AP4E1: variants seen among roughly 807,000 people sequenced by gnomAD.
The protein encoded by AP4E1 is AP-4 complex subunit epsilon-1.
AP4E1 carries 56 observed loss-of-function variants against 128.2 expected under a neutral mutation model. The observed-to-expected ratio is 0.44, with a 90% confidence interval of 0.35 to 0.55. The LOEUF is 0.55. AP4E1 is among the 20% of genes least tolerant of loss of function. The pLI, the probability that AP4E1 is intolerant of heterozygous loss-of-function variation, is 0.00. For synonymous variants in AP4E1, 484 were observed against 473.1 expected, an observed-to-expected ratio of 1.02 and a Z score of -0.30; for missense variants, 1,324 against 1,307.7, an observed-to-expected ratio of 1.01 and a Z score of -0.19.
At chr15:50,914,636 G>GC (rs2063606202) in intron 2 of AP4E1, among the ~76,000 whole-genome samples, 2 of 129,724 alleles carry the variant, frequency 1.5e-5, no homozygotes, top group African/African-American at 6.2e-5. Flanking sequence ...GGGTGACAGA[G>GC]CGAGACTCTG....
At chr15:50,921,473 C>A (rs534271930) in intron 3 of AP4E1, among the ~76,000 whole-genome samples, 4 of 152,022 alleles carry the variant, frequency 2.6e-5, no homozygotes, top group African/African-American at 4.8e-5. Flanking sequence ...CTCAGCCTCC[C>A]AAGTAGCTGG....
At chr15:50,938,310 G>A (rs777231652) in intron 8 of AP4E1, among the ~76,000 whole-genome samples, 8 of 152,128 alleles carry the variant, frequency 5.3e-5, no homozygotes, top group African/African-American at 7.2e-5. Context: ...AAGAAGAAAA[G>A]GGAAATTAGC....
chr15:51,001,963 C>G (rs2064969112), intron 20 of AP4E1, among the ~76,000 whole-genome samples: 1 of 152,140 alleles, frequency 6.6e-6, no homozygotes, highest in Non-Finnish European at 1.5e-5. Flanking sequence ...ACTGCAACCT[C>G]CACCTTCCGT....
chr15:51,005,574 A>G lies in AP4E1; in HGVS notation c.*2912A>G, dbSNP rs1290867912. On this transcript the variant is annotated 3_prime_UTR_variant, in exon 21 of 21. Coordinates refer to ENST00000261842, the MANE Select transcript of AP4E1 (RefSeq NM_007347.5). ...CCTGTAGAGGAGCATTATTTTAAAC[A>G]ATGTTCTACTATCATCTACCAAAAT... The G allele has an allele frequency of 6.6e-6, 1 of 152,564 alleles. No individual in the cohort carries two copies. The highest frequency in any genetic ancestry group is 1.5e-5 in the Non-Finnish European group (1 of 68,034). 9.5% of individuals were successfully genotyped at this position (152,564 alleles called of 1,614,324 possible).
At position 50,915,536 on chromosome 15, in the gene AP4E1, T is replaced by C; in HGVS notation, c.311T>C (p.Leu104Ser). The change falls in exon 3 of 21, where the codon TTA becomes TCA. Residue 104 changes from leucine (L) to serine (S), a missense_variant. Transcript: ENST00000261842. The stretch of plus-strand genomic sequence containing the variant: ...TTTGGCTATATTCATGCAATCAAGT[T>C]AGCCCAACAAGGAAACCTCTTAGAA... Reference protein sequence around the residue: ...ASFGYIHAIKLAQQGNLLEKR... With the variant: ...ASFGYIHAIKSAQQGNLLEKR... 1.9e-6 allele frequency: 3 copies of C among 1,613,652 alleles called. No individual in the cohort carries two copies. The highest frequency in any genetic ancestry group is 2.5e-6 in the Non-Finnish European group (3 of 1,179,746).
At chr15:50,926,971 C>T (rs1404340899) in intron 5 of AP4E1, among the ~76,000 whole-genome samples, 2 of 152,216 alleles carry the variant, frequency 1.3e-5, no homozygotes, top group Non-Finnish European at 2.9e-5. Context: ...AGAATAACTT[C>T]ATAGGTCTTT....
chr15:50,987,098 A>T (rs989918586), intron 16 of AP4E1, among the ~76,000 whole-genome samples: 1 of 152,122 alleles, frequency 6.6e-6, no homozygotes, highest in African/African-American at 2.4e-5. Context: ...ATTTGCGTAG[A>T]GGTGTTTATA....
chr15:50,948,043 T>C lies in AP4E1; in HGVS notation c.1200T>C (p.Ile400=). The C allele has an allele frequency of 6.2e-7, 1 of 1,607,324 alleles. No homozygotes were observed. The highest frequency in any genetic ancestry group is 8.5e-7 in the Non-Finnish European group (1 of 1,174,194). The part of the protein sequence containing the change: ...KRETLELLYR[I]TNAQNITVIV... Reference sequence around the variant, plus strand: ...AGACTCTGGAACTTCTTTACAGAATTACTAATGCACAGAATATAACAGTTA... The same window carrying C: ...AGACTCTGGAACTTCTTTACAGAATCACTAATGCACAGAATATAACAGTTA... The change falls in exon 11 of 21, where the codon ATT becomes ATC. Residue 400 remains isoleucine (I), a synonymous_variant. Coordinates refer to ENST00000261842, the MANE Select transcript of AP4E1 (RefSeq NM_007347.5).
chr15:50,968,388 A>G lies in AP4E1; in HGVS notation c.1966+11A>G, dbSNP rs759782619. 5 of 1,578,030 alleles carry G rather than the reference A, an allele frequency of 3.2e-6. No homozygotes were observed. The highest frequency in any genetic ancestry group is 3.4e-5 in the Admixed American group (2 of 59,396). On this transcript the variant is annotated intron_variant, in intron 15 of 20. Coordinates refer to ENST00000261842, the MANE Select transcript of AP4E1 (RefSeq NM_007347.5). ...TTTCTCAGGAAAAAGGTAATTTTTC[A>G]TGGATTTATGATAAGCTAGAGTGTA... is the stretch of plus-strand genomic sequence containing the variant.
rs761149346 is a variant in AP4E1, at chr15:50,999,143, G to T, written c.2976G>T (p.Val992=). ...AESTKSFQYS[V]QIEKPFTEGN... ...GCACCAAAAGCTTTCAATATAGTGT[G>T]CAGATAGAAAAACCTTTTACAGAAG... Residue 992 remains valine (V), a synonymous_variant, in exon 19 of 21, where the codon GTG becomes GTT. Coordinates refer to ENST00000261842, the MANE Select transcript of AP4E1 (RefSeq NM_007347.5). 5.6e-6 allele frequency: 9 copies of T among 1,613,866 alleles called. No homozygotes were observed. In the Admixed American group the frequency reaches 8.3e-5, roughly 15 times the overall value.
chr15:50,929,243 A>T (rs2063803413), intron 6 of AP4E1, 75 bp downstream of exon 6: 2 of 1,488,260 alleles, frequency 1.3e-6, no homozygotes, highest in African/African-American at 2.8e-5. Flanking sequence ...AAAGAAACAG[A>T]TATTTTGGTA....
In AP4E1 at chr15:50,999,247, T is replaced by C. The variant is rs1291542844; in HGVS notation, c.3080T>C (p.Leu1027Pro). ...AQLEFSVNLS[L>P]LDFIRPLKIS... ...CTGGAATTTTCTGTAAACTTATCAC[T>C]ATTAGATTTCATTAGGTAAATGTTT... Residue 1027 changes from leucine (L) to proline (P), a missense_variant, in exon 19 of 21, where the codon CTA becomes CCA. By Grantham distance (98) the Leu-to-Pro change is moderately conservative. Coordinates refer to ENST00000261842, the MANE Select transcript of AP4E1 (RefSeq NM_007347.5). 2 of 1,610,866 alleles carry C rather than the reference T, an allele frequency of 1.2e-6. No individual in the cohort carries two copies. Among genetic ancestry groups the C allele is most frequent in the African/African-American group, 2.7e-5 (2 of 74,896 alleles).
chr15:50,929,169 G>GT lies in AP4E1; in HGVS notation c.702+2dup, dbSNP rs755999775. ...GCATATATATCTTAGAATGATTAAG[G>GT]TAAGTTGGAAATTTTAGCAAGTACT... On this transcript the variant is annotated splice_donor_variant, in intron 6 of 20. Coordinates refer to ENST00000261842, the MANE Select transcript of AP4E1 (RefSeq NM_007347.5). LOFTEE classifies it high-confidence loss of function. 6.2e-7 allele frequency: 1 copy of GT among 1,613,472 alleles called. No homozygotes were observed.
At chr15:50,957,610 A>G (rs897027473) in intron 13 of AP4E1, among the ~76,000 whole-genome samples, 1 of 149,982 alleles carries the variant, frequency 6.7e-6, no homozygotes, top group African/African-American at 2.5e-5. Context: ...GTCCCTATCC[A>G]TTCTTTCACT....
At chr15:50,922,937 C>T (rs1323603531) in intron 3 of AP4E1, among the ~76,000 whole-genome samples, 1 of 152,102 alleles carries the variant, frequency 6.6e-6, no homozygotes, top group Non-Finnish European at 1.5e-5. Context: ...GCCACCACGC[C>T]TGGCTAATTT....
In AP4E1 at chr15:50,941,781, C is replaced by T. The variant is rs1427254316; in HGVS notation, c.1176+6C>T. 1 of 1,597,892 alleles carries T rather than the reference C, an allele frequency of 6.3e-7. No individual in the cohort carries two copies. Among genetic ancestry groups the T allele is most frequent in the Admixed American group, 1.7e-5 (1 of 59,914 alleles). On this transcript the variant is annotated splice_donor_region_variant and intron_variant, in intron 10 of 20. Coordinates refer to ENST00000261842, the MANE Select transcript of AP4E1 (RefSeq NM_007347.5). ...ATCCCATTATTAAAAGAGAGGTAAA[C>T]TGGTATTTTGAATAGTATATGTGAA...
intron 10 of AP4E1, chr15:50,945,742 G>A: frequency 2.6e-6 from 2 of 776,188 alleles, no homozygotes; most frequent in Non-Finnish European, 4.7e-6. Context: ...TGAAAAATTT[G>A]GTGTGCTTAC....
chr15:50,952,250 C>A (rs142155942), intron 13 of AP4E1, among the ~76,000 whole-genome samples: 75 of 152,194 alleles, frequency 4.9e-4, no homozygotes, highest in African/African-American at 1.7e-3. Flanking sequence ...GTGGCTCATG[C>A]CTGTAATCCC....
At position 50,916,420 on chromosome 15, in the gene AP4E1, A is replaced by T. The variant is rs114624336; in HGVS notation, c.346+849A>T. ...TCTATAGTCAACCTTTAGGGCTGTT[A>T]GGAAAAATTCTTTTAAGCAATTAAA... is the stretch of plus-strand genomic sequence containing the variant. On this transcript the variant is annotated intron_variant, in intron 3 of 20. Coordinates refer to ENST00000261842, the MANE Select transcript of AP4E1 (RefSeq NM_007347.5). 1.9e-3 allele frequency among the ~76,000 whole-genome samples: 289 copies of T among 152,354 alleles called. 5 individuals are homozygous for T. Among genetic ancestry groups the T allele is most frequent in the African/African-American group, 6.8e-3 (281 of 41,590 alleles).
Sources: gnomAD v4.1 joint callset for allele counts (sites outside exome capture counted in the v4.1 genomes callset) on GRCh38, gnomAD v4.1.1 for gene constraint, MANE v1.5 for transcripts, NCBI Gene and HGNC (gene_info 2026-07-23, HGNC 2026-07-21) for gene names.